TTC28: variants seen among roughly 807,000 people sequenced by gnomAD.
TTC28 encodes tetratricopeptide repeat protein 28.
TTC28 carries 61 observed loss-of-function variants against 198.0 expected under a neutral mutation model. The observed-to-expected ratio is 0.31, with a 90% CI of 0.25 to 0.38. The LOEUF is 0.38. Among genes scored for constraint, TTC28 ranks in the 10% least tolerant of loss-of-function variants. TTC28 has a pLI of 1.00. For synonymous variants in TTC28, 1,171 were observed against 1,297.8 expected (o/e 0.90, Z 2.10); for missense variants, 2,678 against 3,164.0 (o/e 0.85, Z 3.69).
intron 2 of TTC28, among the ~76,000 whole-genome samples, chr22:28,401,757 G>A (rs1456102954): frequency 1.3e-5 from 2 of 152,090 alleles, no homozygotes; most frequent in African/African-American, 2.4e-5. Context: ...CAACAAAAGC[G>A]AGACCCCATC....
chr22:28,635,035 G>A (rs1436170813), intron 1 of TTC28, among the ~76,000 whole-genome samples: 5 of 152,062 alleles, frequency 3.3e-5, no homozygotes, highest in African/African-American at 1.2e-4. Context: ...ATAGTACTCC[G>A]TAAGGGATGG....
At chr22:28,456,256 T>C (rs937876811) in intron 2 of TTC28, among the ~76,000 whole-genome samples, 1 of 151,806 alleles carries the variant, frequency 6.6e-6, no homozygotes, top group African/African-American at 2.4e-5. Flanking sequence ...ATCCCATTTA[T>C]GTAAAATGTC....
chr22:28,453,950 A>AT (rs1242172369), intron 2 of TTC28, among the ~76,000 whole-genome samples: 1 of 151,958 alleles, frequency 6.6e-6, no homozygotes, highest in Non-Finnish European at 1.5e-5. Flanking sequence ...TTTCACCCTC[A>AT]TTTTTTACCA....
chr22:27,980,388 G>C lies in TTC28; in HGVS notation c.*1833C>G, dbSNP rs774026249. On this transcript the variant is annotated 3_prime_UTR_variant, in exon 23 of 23. Coordinates refer to ENST00000397906, the MANE Select transcript of TTC28 (RefSeq NM_001145418.2). ...TGGGATCAGGGCTAGAATAAGACAT[G>C]CTTATTGTTGGCTTTTGTCAACATG... 5 of 152,212 alleles carry C rather than the reference G, an allele frequency of 3.3e-5. No homozygotes were observed. Among genetic ancestry groups the C allele is most frequent in the African/African-American group, 4.8e-5 (2 of 41,442 alleles). 9.4% of individuals were successfully genotyped at this position (152,212 alleles called of 1,614,324 possible). A position where few individuals can be genotyped will look rare whatever the true frequency, so the allele number is the denominator to read the frequency against.
At chr22:28,469,388 G>A (rs560670187) in intron 2 of TTC28, among the ~76,000 whole-genome samples, 5 of 152,228 alleles carry the variant, frequency 3.3e-5, no homozygotes, top group East Asian at 1.9e-4. Flanking sequence ...AACAGCCCCC[G>A]AAGATATCCA....
At chr22:28,003,797 C>T (rs1258061883) in intron 14 of TTC28, among the ~76,000 whole-genome samples, 2 of 152,218 alleles carry the variant, frequency 1.3e-5, no homozygotes, top group African/African-American at 4.8e-5. Flanking sequence ...TCAGAGAATG[C>T]ATGTCCTTGA....
chr22:28,432,763 G>A (rs190530231), intron 2 of TTC28, among the ~76,000 whole-genome samples: 19 of 152,292 alleles, frequency 1.2e-4, no homozygotes, highest in Non-Finnish European at 5.9e-5. Context: ...TTTATTGATA[G>A]TAGTCATTAA....
chr22:28,376,758 C>CCT (rs1268867346), intron 2 of TTC28, among the ~76,000 whole-genome samples: 1 of 152,066 alleles, frequency 6.6e-6, no homozygotes, highest in Non-Finnish European at 1.5e-5. Context: ...GTTCACAAGG[C>CCT]AAAATACTGG....
chr22:28,067,360 A>G (rs1940797265), intron 12 of TTC28, among the ~76,000 whole-genome samples: 1 of 152,218 alleles, frequency 6.6e-6, no homozygotes, highest in Non-Finnish European at 1.5e-5. Flanking sequence ...GCGTCTGACA[A>G]ACGTTTCCTG....
intron 5 of TTC28, among the ~76,000 whole-genome samples, chr22:28,220,147 GGAGA>G (rs1927741475): frequency 6.6e-6 from 1 of 152,166 alleles, no homozygotes; most frequent in African/African-American, 2.4e-5. Flanking sequence ...AATGTTAGTA[GGAGA>G]GAGAAAAATT....
At chr22:28,457,063 T>C (rs1477378343) in intron 2 of TTC28, among the ~76,000 whole-genome samples, 1 of 152,248 alleles carries the variant, frequency 6.6e-6, no homozygotes, top group Non-Finnish European at 1.5e-5. Flanking sequence ...AATACATTTC[T>C]ATAATTATCA....
At chr22:28,001,347 GC>G (rs1569077126) in intron 15 of TTC28, 26 bp downstream of exon 15, 3 of 1,529,512 alleles carry the variant, frequency 2.0e-6, no homozygotes, top group Non-Finnish European at 1.8e-6. Flanking sequence ...CAAGCCCCCG[GC>G]CCCCCACCAT....
intron 1 of TTC28, among the ~76,000 whole-genome samples, chr22:28,641,977 G>A (rs2051373305): frequency 6.6e-6 from 1 of 152,082 alleles, no homozygotes; most frequent in Non-Finnish European, 1.5e-5. Flanking sequence ...CAATAGGTTT[G>A]GAACAGGGCT....
At chr22:28,348,396 T>C (rs1241601352) in intron 2 of TTC28, among the ~76,000 whole-genome samples, 1 of 152,102 alleles carries the variant, frequency 6.6e-6, no homozygotes, top group African/African-American at 2.4e-5. Flanking sequence ...CAAGCCTACC[T>C]AGGACGCCTC....
At chr22:28,189,241 C>T (rs751468782) in intron 5 of TTC28, among the ~76,000 whole-genome samples, 1 of 152,096 alleles carries the variant, frequency 6.6e-6, no homozygotes, top group Admixed American at 6.5e-5. Context: ...TATAACCATG[C>T]ACCTTTTGAG....
At chr22:28,018,562 T>C (rs1346916416) in intron 13 of TTC28, among the ~76,000 whole-genome samples, 1 of 152,188 alleles carries the variant, frequency 6.6e-6, no homozygotes, top group African/African-American at 2.4e-5. Context: ...CCCACGCCTC[T>C]TCCTTAGTAG....
At chr22:28,094,321 G>C in intron 11 of TTC28, 76 bp from the exon 12 acceptor site, 1 of 1,403,090 alleles carries the variant, frequency 7.1e-7, no homozygotes, top group Non-Finnish European at 9.4e-7. Context: ...CAGGGGACAG[G>C]AATGCCAATG....
chr22:28,242,343 C>G (rs1929717447), intron 5 of TTC28, among the ~76,000 whole-genome samples: 1 of 152,090 alleles, frequency 6.6e-6, no homozygotes, highest in African/African-American at 2.4e-5. Flanking sequence ...TGATGAACTA[C>G]AAGTGTAGGA....
chr22:28,195,820 C>T (rs1310373905), intron 5 of TTC28, among the ~76,000 whole-genome samples: 10 of 147,808 alleles, frequency 6.8e-5, no homozygotes, highest in African/African-American at 1.3e-4. Flanking sequence ...TTCCATGCTC[C>T]GGGATAGGAA....
Sources: gnomAD v4.1 joint callset for allele counts (sites outside exome capture counted in the v4.1 genomes callset) on GRCh38, gnomAD v4.1.1 for gene constraint, MANE v1.5 for transcripts, NCBI Gene and HGNC (gene_info 2026-07-23, HGNC 2026-07-21) for gene names.